The following PKLR variants were observed in gnomAD, a reference collection of about 807,000 sequenced individuals.
PKLR encodes pyruvate kinase L/R.
A neutral mutation model predicts 53.6 loss-of-function variants in PKLR; 38 were observed. The observed-to-expected ratio is 0.71, with a 90% CI of 0.55 to 0.93. The LOEUF is 0.93. Among genes scored for constraint, PKLR ranks in the 40% least tolerant of loss-of-function variants. PKLR has a pLI of 0.00. For synonymous variants in PKLR, 328 were observed against 316.2 expected (o/e 1.04, Z -0.39); for missense variants, 702 against 787.3 (o/e 0.89, Z 1.30).
Position 155,295,547 on chromosome 1 carries a change from T to C in PKLR, c.397A>G (p.Asn133Asp). The part of the protein sequence containing the change: ...SHEYHAESIA[N>D]VREAVESFAG... ...AAGCTCTCCACCGCCTCCCGGACGT[T>C]GGCGATGGACTCAGCATGGTACTGG... Residue 133 changes from asparagine to aspartate, a missense_variant, in exon 4 of 11, where the codon AAC becomes GAC. Physicochemically the swap from Asn to Asp is conservative, Grantham distance 23 (BLOSUM62 1). Transcript: ENST00000342741. The surrounding 1 kb of genome is among the most constrained non-coding windows in gnomAD (Gnocchi z 4.3). The C allele has an allele frequency of 6.2e-7, 1 of 1,613,954 alleles. No homozygotes were observed. The highest frequency in any genetic ancestry group is 1.1e-5 in the South Asian group (1 of 91,060).
chr1:155,304,075 T>G (rs1648165029), upstream of PKLR, among the ~76,000 whole-genome samples: 1 of 151,842 alleles, frequency 6.6e-6, no homozygotes, highest in Non-Finnish European at 1.5e-5. Flanking sequence ...TGTAATGTGG[T>G]GGGTTTACCC....
rs1034881746 is a variant in PKLR, at chr1:155,295,984, C to T, written c.284-228G>A. ...GTGGAAATCGGAGGGGAGTGCCCTC[C>T]GCCAGGCCTGAGGTCACTGTATGGG... On this transcript the variant is annotated intron_variant, in intron 2 of 10. Coordinates refer to ENST00000342741, the MANE Select transcript of PKLR (RefSeq NM_000298.6). The surrounding 1 kb of genome is among the most constrained non-coding windows in gnomAD (Gnocchi z 4.3). Among the ~76,000 whole-genome samples, 4 of 152,084 alleles carry T rather than the reference C, an allele frequency of 2.6e-5. No individual in the cohort carries two copies. Among genetic ancestry groups the T allele is most frequent in the Admixed American group, 2.6e-4 (4 of 15,276 alleles).
At position 155,295,006 on chromosome 1, in the gene PKLR, A is replaced by G; in HGVS notation, c.694+110T>C. The G allele has an allele frequency of 7.7e-7, 1 of 1,305,530 alleles. No homozygotes were observed. Among genetic ancestry groups the G allele is most frequent in the Non-Finnish European group, 1.1e-6 (1 of 922,434 alleles). 80.9% of individuals were successfully genotyped at this position (1,305,530 alleles called of 1,614,324 possible). ...GGGACTCCTGGGACGGGCTGGCAAA[A>G]ACGCGTGGCCAGGGGAAGGTGTGAT... On this transcript the variant is annotated intron_variant, in intron 5 of 10. Transcript: ENST00000342741. The surrounding 1 kb of genome is among the most constrained non-coding windows in gnomAD (Gnocchi z 4.3).
chr1:155,295,210 C>G lies in PKLR; in HGVS notation c.600G>C (p.Val200=), dbSNP rs1647499736. ...AFRTRGNANT[V]WVDYPNIVRV... Reference sequence around the variant, plus strand: ...GGACAATATTGGGGTAGTCCACCCACACGGTGTTCGCGTTCCCCCGCGTCC... The same window carrying G: ...GGACAATATTGGGGTAGTCCACCCAGACGGTGTTCGCGTTCCCCCGCGTCC... Residue 200 remains valine, a synonymous_variant, in exon 5 of 11, where the codon GTG becomes GTC. Coordinates refer to ENST00000342741, the MANE Select transcript of PKLR (RefSeq NM_000298.6). This position sits in a 1 kb window ranked among gnomAD's most constrained non-coding sequence, Gnocchi z 4.3. 1.9e-6 allele frequency: 3 copies of G among 1,614,152 alleles called. No homozygotes were observed. The highest frequency in any genetic ancestry group is 2.7e-5 in the African/African-American group (2 of 75,066).
chr1:155,307,870 A>G, the PKLR span, among the ~76,000 whole-genome samples: 1 of 152,008 alleles, frequency 6.6e-6, no homozygotes, highest in Non-Finnish European at 1.5e-5. Context: ...CAGGAGAATC[A>G]CTTGAACCCG....
Position 155,294,462 on chromosome 1 carries a change from G to T in PKLR, c.965+20C>A. On this transcript the variant is annotated intron_variant, in intron 6 of 10. Transcript: ENST00000342741. ...GGGGAATAGCGACAGGGCCGAAGGG[G>T]AACAGAGCCCAAGCCTCACCTCTTC... 6.2e-7 allele frequency: 1 copy of T among 1,614,224 alleles called. No homozygotes were observed. The highest frequency in any genetic ancestry group is 8.5e-7 in the Non-Finnish European group (1 of 1,180,034).
the PKLR span, among the ~76,000 whole-genome samples, chr1:155,306,944 T>C: frequency 6.6e-6 from 1 of 151,966 alleles, no homozygotes. This position sits in a 1 kb window ranked among gnomAD's most constrained non-coding sequence, Gnocchi z 4.2. Context: ...GCATCTGGAG[T>C]TGTTCATTCC....
At chr1:155,299,692 G>A (rs1647874050) in intron 2 of PKLR, among the ~76,000 whole-genome samples, 1 of 150,586 alleles carries the variant, frequency 6.6e-6, no homozygotes, top group Non-Finnish European at 1.5e-5. Context: ...TTTTAGTAGA[G>A]ACGGGGTTTC....
chr1:155,307,213 G>A, the PKLR span, among the ~76,000 whole-genome samples: 943 of 152,244 alleles, frequency 6.2e-3, 12 homozygotes, highest in African/African-American at 0.022. Flanking sequence ...GCACCCAGCC[G>A]TGTTTTGTCC....
intron 9 of PKLR, among the ~76,000 whole-genome samples, chr1:155,292,261 C>T (rs978362786): frequency 2.5e-5 from 3 of 121,358 alleles, no homozygotes; most frequent in Admixed American, 8.0e-5. Flanking sequence ...AGAAAGAATG[C>T]CTGCCCTCCC....
intron 2 of PKLR, among the ~76,000 whole-genome samples, chr1:155,299,077 T>TTTTC (rs1228927705): frequency 2.0e-5 from 3 of 147,046 alleles, no homozygotes; most frequent in South Asian, 2.2e-4. Flanking sequence ...TCCTTCTTTC[T>TTTTC]TTTCTTTCTT....
At chr1:155,300,422 A>G in intron 1 of PKLR, 142 bp from the exon 2 acceptor site, 1 of 685,704 alleles carries the variant, frequency 1.5e-6, no homozygotes, top group Non-Finnish European at 2.5e-6. Context: ...CAAGGATCCT[A>G]TAAAGCAGGT....
chr1:155,308,618 G>C, the PKLR span: 1 of 985,416 alleles, frequency 1.0e-6, no homozygotes, highest in Non-Finnish European at 1.2e-6. Context: ...AAGCCACAGC[G>C]GGGACGTTCC....
At chr1:155,302,058 CTTTTTTTTCTT>C (rs1489462627), upstream of PKLR, among the ~76,000 whole-genome samples, 1 of 150,108 alleles carries the variant, frequency 6.7e-6, no homozygotes, top group Non-Finnish European at 1.5e-5. Context: ...TTTCTTTTTT[CTTTTTTTTCTT>C]TTTTTTTTCA....
At chr1:155,292,039 A>G in intron 9 of PKLR, 102 bp from the exon 10 acceptor site, 2 of 1,115,188 alleles carry the variant, frequency 1.8e-6, no homozygotes, top group South Asian at 2.6e-5. Context: ...AAGCTGTGTG[A>G]CCCTGGGTAA....
intron 1 of PKLR, 66 bp from the exon 2 acceptor site, chr1:155,300,346 A>G: frequency 2.3e-6 from 3 of 1,300,128 alleles, no homozygotes; most frequent in Non-Finnish European, 2.2e-6. Flanking sequence ...TTCGTCTCTC[A>G]GCATACCCTC....
At chr1:155,300,872 C>T in intron 1 of PKLR, 1 of 1,611,582 alleles carries the variant, frequency 6.2e-7, no homozygotes, top group South Asian at 1.1e-5. Flanking sequence ...CCCCCGATTC[C>T]AGCCGCACCT....
chr1:155,294,201 A>G lies in PKLR; in HGVS notation c.1116+34T>C, dbSNP rs751169497. The G allele has an allele frequency of 1.9e-6, 3 of 1,613,342 alleles. No homozygotes were observed. The South Asian group carries it at 3.3e-5, about 18-fold the overall frequency. The stretch of plus-strand genomic sequence containing the variant: ...TCACCCACAGGTGTCCCTAAAACCC[A>G]CAGAGTGCCGAACCTCAAGGCCTCA... On this transcript the variant is annotated intron_variant, in intron 7 of 10. Coordinates refer to ENST00000342741, the MANE Select transcript of PKLR (RefSeq NM_000298.6).
rs1264493201 is a variant in PKLR at position 155,295,251 on chromosome 1, C to T, written c.559G>A (p.Val187Met). ...LVKGSQVLVTVDPAFRTRGNA... is the reference protein window; with the variant it reads ...LVKGSQVLVTMDPAFRTRGNA... Reference sequence around the variant, plus strand: ...CCCCGCGTCCGGAACGCGGGGTCCACAGTCACCAGCACCTGGGAGCCCTTC... The same window carrying T: ...CCCCGCGTCCGGAACGCGGGGTCCATAGTCACCAGCACCTGGGAGCCCTTC... Residue 187 changes from valine (V) to methionine (M), a missense_variant, in exon 5 of 11, where the codon GTG (valine) becomes ATG (methionine). This residue lies in a region of PKLR where 519 missense variants were observed against 537.1 expected (regional missense o/e 0.97). Coordinates refer to ENST00000342741, the MANE Select transcript of PKLR (RefSeq NM_000298.6). This position sits in a 1 kb window ranked among gnomAD's most constrained non-coding sequence, Gnocchi z 4.3. The T allele has an allele frequency of 2.5e-6, 4 of 1,614,114 alleles. No individual in the cohort carries two copies. The highest frequency in any genetic ancestry group is 2.2e-5 in the East Asian group (1 of 44,870).
Sources: gnomAD v4.1 joint callset for allele counts (sites outside exome capture counted in the v4.1 genomes callset) on GRCh38, gnomAD v4.1.1 for gene constraint, gnomAD v4.1.1 regional missense constraint, Gnocchi (gnomAD v3.1) non-coding constraint, MANE v1.5 for transcripts, NCBI Gene and HGNC (gene_info 2026-07-23, HGNC 2026-07-21) for gene names.